Variants in RTN1 observed in about 807,000 individuals in gnomAD.
RTN1 encodes the protein reticulon 1, also known as reticulon-1.
In RTN1, 25 loss-of-function variants were observed where a neutral mutation model predicts 65.5. The ratio of observed to expected loss-of-function variants is 0.38; its 90% CI spans 0.28 to 0.53. The LOEUF (loss-of-function observed/expected upper bound fraction) is 0.53, where lower values mean the gene tolerates loss of function less well. RTN1 is among the 20% of genes least tolerant of loss of function. The pLI is 0.79. For missense variants in RTN1, 983 were observed against 1,025.4 expected (o/e 0.96, Z 0.57); for synonymous variants, 471 against 447.6 (o/e 1.05, Z -0.66).
chr14:59,712,214 C>G (rs1015537778), intron 3 of RTN1, among the ~76,000 whole-genome samples: 1 of 152,012 alleles, frequency 6.6e-6, no homozygotes, highest in Admixed American at 6.5e-5. Context: ...GAGGGAGCCC[C>G]AAAATACATA....
rs896872931 is a variant in RTN1 at position 59,816,641 on chromosome 14, T to C, written c.241+53749A>G. Among the ~76,000 whole-genome samples, 6 of 152,116 alleles carry C rather than the reference T, an allele frequency of 3.9e-5. No homozygotes were observed. Among genetic ancestry groups the C allele is most frequent in the Non-Finnish European group, 8.8e-5 (6 of 68,016 alleles). ...AAGTGGGGAGGATCATGCTATAAAA[T>C]ACCCAGTACTAGCGGGGCACAGTGG... is the stretch of plus-strand genomic sequence containing the variant. On this transcript the variant is annotated intron_variant, in intron 1 of 8. Transcript: ENST00000267484. This position sits in a 1 kb window ranked among gnomAD's most constrained non-coding sequence, Gnocchi z 4.3.
chr14:59,793,768 T>C (rs528031174), intron 1 of RTN1, among the ~76,000 whole-genome samples: 1 of 152,202 alleles, frequency 6.6e-6, no homozygotes, highest in Admixed American at 6.5e-5. Flanking sequence ...ATACTCACTA[T>C]TGTGCTACTA....
chr14:59,719,599 T>C (rs961850732), intron 3 of RTN1, among the ~76,000 whole-genome samples: 1 of 152,264 alleles, frequency 6.6e-6, no homozygotes, highest in African/African-American at 2.4e-5. Flanking sequence ...GATGTATGAA[T>C]AGGTGGGACT....
chr14:59,858,205 G>A (rs1887643307), intron 1 of RTN1, among the ~76,000 whole-genome samples: 1 of 152,170 alleles, frequency 6.6e-6, no homozygotes, highest in South Asian at 2.1e-4. Context: ...AAAATGCCAA[G>A]CATGAGCAGG....
chr14:59,852,879 T>C (rs1415055518), intron 1 of RTN1, among the ~76,000 whole-genome samples: 1 of 152,352 alleles, frequency 6.6e-6, no homozygotes, highest in Non-Finnish European at 1.5e-5. Context: ...CATATTGTTA[T>C]TTTACTGAAT....
At chr14:59,756,341 G>A (rs909783734) in intron 1 of RTN1, among the ~76,000 whole-genome samples, 2 of 152,146 alleles carry the variant, frequency 1.3e-5, no homozygotes, top group Non-Finnish European at 1.5e-5. Context: ...CTTAAGAAAA[G>A]GTGCCTAAAA....
chr14:59,686,417 T>C (rs1164183092), intron 3 of RTN1, among the ~76,000 whole-genome samples: 1 of 152,242 alleles, frequency 6.6e-6, no homozygotes, highest in Non-Finnish European at 1.5e-5. Flanking sequence ...CTGCAAACTA[T>C]ACCTCTGATA....
intron 3 of RTN1, among the ~76,000 whole-genome samples, chr14:59,619,931 T>C (rs1007259959): frequency 6.6e-6 from 1 of 152,044 alleles, no homozygotes; most frequent in Non-Finnish European, 1.5e-5. Flanking sequence ...GACGGAAGCC[T>C]TATCGTAAGG....
chr14:59,639,500 C>T (rs918880312), intron 3 of RTN1, among the ~76,000 whole-genome samples: 6 of 152,166 alleles, frequency 3.9e-5, no homozygotes, highest in East Asian at 3.9e-4. Flanking sequence ...TTATTTTTTC[C>T]GTTCCAATCT....
chr14:59,637,317 CAT>C (rs1450378525), intron 3 of RTN1, among the ~76,000 whole-genome samples: 1 of 152,196 alleles, frequency 6.6e-6, no homozygotes, highest in African/African-American at 2.4e-5. Flanking sequence ...CCAATTCAGT[CAT>C]ATCTTTGGGC....
Position 59,727,616 on chromosome 14 carries a change from C to T in RTN1, c.1068G>A (p.Leu356=), listed in dbSNP as rs751527863. ...QGKGSISEDE[L]ITAIKEAKGL... ...CCTTTGCTTCTTTGATGGCGGTGAT[C>T]AGCTCATCCTCGGAGATGCTGCCTT... Residue 356 remains leucine (L), a synonymous_variant, in exon 3 of 9, where the codon CTG becomes CTA. Transcript: ENST00000267484. The surrounding 1 kb of genome is among the most constrained non-coding windows in gnomAD (Gnocchi z 4.2). 1 of 1,612,508 alleles carries T rather than the reference C, an allele frequency of 6.2e-7. No homozygotes were observed.
chr14:59,762,319 T>G (rs539705422), intron 1 of RTN1, among the ~76,000 whole-genome samples: 3 of 152,192 alleles, frequency 2.0e-5, no homozygotes, highest in Non-Finnish European at 4.4e-5. Context: ...AAAAGGAGGA[T>G]AATAACAACT....
chr14:59,843,801 C>T (rs1480911224), intron 1 of RTN1, among the ~76,000 whole-genome samples: 1 of 152,136 alleles, frequency 6.6e-6, no homozygotes, highest in African/African-American at 2.4e-5. Context: ...ATTATACAGC[C>T]ATTGGAGTTT....
At chr14:59,799,169 TA>T (rs1886493120) in intron 1 of RTN1, among the ~76,000 whole-genome samples, 1 of 152,238 alleles carries the variant, frequency 6.6e-6, no homozygotes, top group African/African-American at 2.4e-5. Flanking sequence ...GAAAAGGATT[TA>T]AAATTCTTTA....
chr14:59,870,495 C>T lies in RTN1; in HGVS notation c.136G>A (p.Glu46Lys), dbSNP rs978016052. The change falls in exon 1 of 9, where the codon GAG (glutamate) becomes AAG (lysine). Residue 46 changes from glutamate (E) to lysine (K), a missense_variant. This residue lies in a region of RTN1 where 818 missense variants were observed against 801.8 expected (regional missense o/e 1.02). Coordinates refer to ENST00000267484, the MANE Select transcript of RTN1 (RefSeq NM_021136.3). This position sits in a 1 kb window ranked among gnomAD's most constrained non-coding sequence, Gnocchi z 5.1. The stretch of plus-strand genomic sequence containing the variant: ...CTGGCGCCCAACCCCGGGCTGGGCT[C>T]CCCAGCCTGCGGCGCCGGCGTGGCC... ...KGATPAPQAG[E>K]PSPGLGARAR... The T allele has an allele frequency of 2.5e-5, 36 of 1,457,742 alleles. No individual in the cohort carries two copies. The highest frequency in any genetic ancestry group is 3.0e-5 in the Non-Finnish European group (33 of 1,111,528). The allele number at this position is 1,457,742 out of a possible 1,614,324, so 90.3% of individuals were successfully genotyped here. A position where few individuals can be genotyped will look rare whatever the true frequency, so the allele number is the denominator to read the frequency against.
intron 1 of RTN1, among the ~76,000 whole-genome samples, chr14:59,767,783 T>A (rs1273501131): frequency 6.6e-6 from 1 of 152,236 alleles, no homozygotes; most frequent in African/African-American, 2.4e-5. Flanking sequence ...TCCCTTCCAA[T>A]GTTTTCATTG....
At chr14:59,632,950 A>T (rs12889997) in intron 3 of RTN1, among the ~76,000 whole-genome samples, 33,235 of 151,592 alleles carry the variant, frequency 0.22, 3,939 homozygotes, top group East Asian at 0.35. Flanking sequence ...CAAAAAAAAA[A>T]TTTTTTCCGG....
rs1436127399 is a variant in RTN1 at position 59,836,117 on chromosome 14, G to T, written c.241+34273C>A. ...TTAGAAGGACCCTCGTGATTGCACT[G>T]GGACCACCTGGATAATCGAGGCTAA... is the stretch of plus-strand genomic sequence containing the variant. On this transcript the variant is annotated intron_variant, in intron 1 of 8. Coordinates refer to ENST00000267484, the MANE Select transcript of RTN1 (RefSeq NM_021136.3). The surrounding 1 kb of genome is among the most constrained non-coding windows in gnomAD (Gnocchi z 4.9). 2.6e-5 allele frequency among the ~76,000 whole-genome samples: 4 copies of T among 152,160 alleles called. No homozygotes were observed. Among genetic ancestry groups the T allele is most frequent in the Non-Finnish European group, 5.9e-5 (4 of 68,024 alleles).
chr14:59,856,410 A>C (rs1671307994), intron 1 of RTN1, among the ~76,000 whole-genome samples: 1 of 152,178 alleles, frequency 6.6e-6, no homozygotes, highest in African/African-American at 2.4e-5. Context: ...TGGTAAGAGA[A>C]GCAGCCTCTT....
Sources: gnomAD v4.1 joint callset for allele counts (sites outside exome capture counted in the v4.1 genomes callset) on GRCh38, gnomAD v4.1.1 for gene constraint, gnomAD v4.1.1 regional missense constraint, Gnocchi (gnomAD v3.1) non-coding constraint, MANE v1.5 for transcripts, NCBI Gene and HGNC (gene_info 2026-07-23, HGNC 2026-07-21) for gene names.